Variants in CNTN4 observed in about 807,000 individuals in gnomAD.
CNTN4 encodes contactin 4.
A neutral mutation model predicts 122.5 loss-of-function variants in CNTN4; 77 were observed. The observed-to-expected ratio is 0.63, with a 90% confidence interval of 0.52 to 0.76. The LOEUF (loss-of-function observed/expected upper bound fraction) is 0.76. Ranked by LOEUF, CNTN4 falls within the 30% of genes least tolerant of loss-of-function variation. CNTN4 has a pLI of 0.00. For synonymous variants in CNTN4, 512 were observed against 447.0 expected, an observed-to-expected ratio of 1.15 and a Z score of -1.83; for missense variants, 1,256 against 1,259.1, an observed-to-expected ratio of 1.00 and a Z score of 0.04.
intron 14 of CNTN4, among the ~76,000 whole-genome samples, chr3:2,993,701 C>T (rs1695257618): frequency 1.3e-5 from 2 of 152,126 alleles, no homozygotes; most frequent in Non-Finnish European, 2.9e-5. Context: ...AAGAAAAATA[C>T]TTATCCTCTC....
intron 13 of CNTN4, among the ~76,000 whole-genome samples, chr3:2,945,239 A>G (rs1418416896): frequency 1.1e-4 from 16 of 152,266 alleles, no homozygotes; most frequent in Admixed American, 1.0e-3. Context: ...ACTACTCATT[A>G]TTTTTAAAAA....
At chr3:2,377,006 A>G (rs958987133) in intron 3 of CNTN4, among the ~76,000 whole-genome samples, 5 of 152,166 alleles carry the variant, frequency 3.3e-5, no homozygotes, top group Non-Finnish European at 5.9e-5. Flanking sequence ...AAATACAAAA[A>G]TTAGCCAGGC....
chr3:2,452,316 G>A (rs2048856991), intron 3 of CNTN4, among the ~76,000 whole-genome samples: 1 of 152,164 alleles, frequency 6.6e-6, no homozygotes, highest in African/African-American at 2.4e-5. Flanking sequence ...GTTGATTACT[G>A]CAGGAGCACC....
At chr3:2,659,107 G>T (rs1382089330) in intron 4 of CNTN4, among the ~76,000 whole-genome samples, 1 of 151,878 alleles carries the variant, frequency 6.6e-6, no homozygotes, top group South Asian at 2.1e-4. Context: ...CACATACTTT[G>T]TCTCATTAGA....
intron 6 of CNTN4, among the ~76,000 whole-genome samples, chr3:2,779,725 C>T (rs1280964468): frequency 1.3e-5 from 2 of 151,874 alleles, no homozygotes; most frequent in African/African-American, 2.4e-5. Flanking sequence ...ATCACATGGG[C>T]AATAAACAGG....
At chr3:2,140,363 A>T (rs2034933292) in intron 2 of CNTN4, among the ~76,000 whole-genome samples, 1 of 152,206 alleles carries the variant, frequency 6.6e-6, no homozygotes, top group Non-Finnish European at 1.5e-5. Flanking sequence ...AGACTGTCTT[A>T]GTTCATTCAG....
intron 6 of CNTN4, among the ~76,000 whole-genome samples, chr3:2,785,194 T>C (rs1384955952): frequency 1.3e-5 from 2 of 151,734 alleles, no homozygotes; most frequent in Non-Finnish European, 2.9e-5. Context: ...TTGGCTTACA[T>C]GATTATGGAG....
intron 2 of CNTN4, among the ~76,000 whole-genome samples, chr3:2,200,015 A>G (rs1449828715): frequency 6.6e-6 from 1 of 152,178 alleles, no homozygotes; most frequent in Non-Finnish European, 1.5e-5. Flanking sequence ...TTTATTCTTG[A>G]TGCAATGGGA....
intron 2 of CNTN4, among the ~76,000 whole-genome samples, chr3:2,203,768 A>G (rs909060667): frequency 5.9e-5 from 9 of 152,022 alleles, no homozygotes; most frequent in African/African-American, 9.7e-5. Context: ...TGAAAGCACA[A>G]CTCCTAAGAG....
intron 3 of CNTN4, among the ~76,000 whole-genome samples, chr3:2,511,958 T>C (rs1407654206): frequency 6.6e-6 from 1 of 152,190 alleles, no homozygotes; most frequent in African/African-American, 2.4e-5. Flanking sequence ...GGTTGCATTA[T>C]CTTTGGTGCC....
intron 4 of CNTN4, among the ~76,000 whole-genome samples, chr3:2,658,522 A>G (rs2083706256): frequency 6.6e-6 from 1 of 152,210 alleles, no homozygotes; most frequent in South Asian, 2.1e-4. Context: ...TGAAATTCAC[A>G]CAAATAAATT....
rs1177808797 is a variant in CNTN4, at chr3:2,558,574, T to C, written c.-88-12842T>C. Among the ~76,000 whole-genome samples, 10 of 152,290 alleles carry C rather than the reference T, an allele frequency of 6.6e-5. No individual in the cohort carries two copies. In the East Asian group the frequency reaches 1.3e-3, roughly 21 times the overall value. ...TATCAAAGGGCACACGAGGCCAGTA[T>C]GTCTTATCACTAGTGATACTAATTT... On this transcript the variant is annotated intron_variant, in intron 3 of 24. Transcript: ENST00000418658.
intron 3 of CNTN4, among the ~76,000 whole-genome samples, chr3:2,511,191 A>G (rs1559620950): frequency 6.6e-6 from 1 of 152,190 alleles, no homozygotes; most frequent in Non-Finnish European, 1.5e-5. Context: ...AACCAGTGTA[A>G]TTATATTCTG....
chr3:2,617,419 CTTTT>C (rs71058631), intron 4 of CNTN4, among the ~76,000 whole-genome samples: 2 of 108,526 alleles, frequency 1.8e-5, no homozygotes, highest in Admixed American at 2.3e-4. Flanking sequence ...AGAGAAATGC[CTTTT>C]TTTTTTTTTT....
chr3:2,580,033 T>TTGTG (rs1461712289), intron 4 of CNTN4, among the ~76,000 whole-genome samples: 1 of 62,552 alleles, frequency 1.6e-5, no homozygotes, highest in African/African-American at 3.9e-5. Context: ...TTGGTTAAGC[T>TTGTG]TGTATGTGTG....
chr3:2,131,263 C>G (rs764954535), intron 2 of CNTN4, among the ~76,000 whole-genome samples: 17 of 152,006 alleles, frequency 1.1e-4, no homozygotes, highest in Non-Finnish European at 2.2e-4. Flanking sequence ...AATTAGACAC[C>G]AAATCTGGTG....
At chr3:2,921,800 G>T (rs951424418) in intron 12 of CNTN4, among the ~76,000 whole-genome samples, 5 of 152,148 alleles carry the variant, frequency 3.3e-5, no homozygotes, top group African/African-American at 1.2e-4. Flanking sequence ...TTTCTCTTGA[G>T]AAATGACACT....
intron 2 of CNTN4, among the ~76,000 whole-genome samples, chr3:2,213,954 A>T (rs1481410434): frequency 6.6e-6 from 1 of 152,186 alleles, no homozygotes; most frequent in African/African-American, 2.4e-5. Flanking sequence ...AGAAATTAGG[A>T]TAGAAAATGC....
rs139163223 is a variant in CNTN4, at chr3:2,865,296, A to G, written c.455-1456A>G. 4.3e-3 allele frequency among the ~76,000 whole-genome samples: 655 copies of G among 152,346 alleles called. 3 individuals are homozygous for G. Among genetic ancestry groups the G allele is most frequent in the African/African-American group, 0.014 (574 of 41,578 alleles). ...TGTGCATGACCCCTCCTTTGTGCGT[A>G]AACAGTGGATTTAAGGCAGAATATG... On this transcript the variant is annotated intron_variant, in intron 7 of 24. Coordinates refer to ENST00000418658, the MANE Select transcript of CNTN4 (RefSeq NM_175607.3).
Sources: gnomAD v4.1 joint callset for allele counts (sites outside exome capture counted in the v4.1 genomes callset) on GRCh38, gnomAD v4.1.1 for gene constraint, MANE v1.5 for transcripts, NCBI Gene and HGNC (gene_info 2026-07-23, HGNC 2026-07-21) for gene names.